Variants in HECW1 observed in about 807,000 individuals in gnomAD.
HECW1 encodes HECT, C2 and WW domain containing E3 ubiquitin protein ligase 1, also known as E3 ubiquitin-protein ligase HECW1.
HECW1 carries 61 observed loss-of-function variants against 182.3 expected under a neutral mutation model. The ratio of observed to expected loss-of-function variants is 0.33; its 90% CI spans 0.27 to 0.41. The LOEUF (loss-of-function observed/expected upper bound fraction) is 0.41, where lower values mean the gene tolerates loss of function less well. Ranked by LOEUF, HECW1 falls within the 10% of genes least tolerant of loss-of-function variation. The pLI, the probability that HECW1 is intolerant of heterozygous loss-of-function variation, is 1.00. For missense variants in HECW1, 1,739 were observed against 2,108.9 expected (o/e 0.82, Z 3.44); for synonymous variants, 859 against 832.6 (o/e 1.03, Z -0.55).
At chr7:43,312,195 T>C (rs1370002399) in intron 4 of HECW1, 108 bp downstream of exon 4, 3 of 1,029,322 alleles carry the variant, frequency 2.9e-6, no homozygotes, top group African/African-American at 3.2e-5. Flanking sequence ...CTGTGTTATA[T>C]GCCAGATTCT....
intron 20 of HECW1, 31 bp from the exon 21 acceptor site, chr7:43,501,182 T>TC (rs1396903370): frequency 8.3e-7 from 1 of 1,207,448 alleles, no homozygotes; most frequent in Non-Finnish European, 1.2e-6. Context: ...TTCTTTTCTT[T>TC]CTTTTTTTTT....
At chr7:43,361,189 C>T (rs968277876) in intron 6 of HECW1, among the ~76,000 whole-genome samples, 9 of 151,980 alleles carry the variant, frequency 5.9e-5, no homozygotes, top group Non-Finnish European at 7.4e-5. Flanking sequence ...CCATAGTCGA[C>T]CTTATTAAAG....
In HECW1 at chr7:43,200,190, C is replaced by T. The variant is rs143597444; in HGVS notation, c.-31-43685C>T. On this transcript the variant is annotated intron_variant, in intron 2 of 29. Coordinates refer to ENST00000395891, the MANE Select transcript of HECW1 (RefSeq NM_015052.5). ...AGAGTCATTGTCTCAGTTTCTGGAA[C>T]ATCTACCAAAAAAAGGCTTTCCTGA... 1.9e-3 allele frequency among the ~76,000 whole-genome samples: 294 copies of T among 152,244 alleles called. 3 individuals are homozygous for T. Among genetic ancestry groups the T allele is most frequent in the African/African-American group, 6.7e-3 (280 of 41,538 alleles).
At chr7:43,363,088 T>G (rs967105503) in intron 6 of HECW1, among the ~76,000 whole-genome samples, 1 of 152,256 alleles carries the variant, frequency 6.6e-6, no homozygotes, top group African/African-American at 2.4e-5. Flanking sequence ...ACTCCAGATG[T>G]TCACCTGCTG....
chr7:43,142,189 A>G (rs1788226309), intron 2 of HECW1, among the ~76,000 whole-genome samples: 1 of 152,112 alleles, frequency 6.6e-6, no homozygotes, highest in African/African-American at 2.4e-5. Context: ...CTGCATCCTC[A>G]TCATTTGGGG....
At chr7:43,165,531 G>A (rs147133498) in intron 2 of HECW1, among the ~76,000 whole-genome samples, 8 of 152,260 alleles carry the variant, frequency 5.3e-5, no homozygotes, top group African/African-American at 1.7e-4. Context: ...ACTCTGTGGA[G>A]TTTAGATAGA....
At chr7:43,240,317 G>A (rs959599901) in intron 2 of HECW1, among the ~76,000 whole-genome samples, 12 of 152,250 alleles carry the variant, frequency 7.9e-5, no homozygotes, top group East Asian at 5.8e-4. Context: ...CAGCCTAGGC[G>A]ACAGAGCAAG....
At chr7:43,186,078 A>T (rs1793369337) in intron 2 of HECW1, among the ~76,000 whole-genome samples, 1 of 152,174 alleles carries the variant, frequency 6.6e-6, no homozygotes, top group South Asian at 2.1e-4. Flanking sequence ...CACTTGCTCA[A>T]AGATCAAGAG....
chr7:43,177,171 A>G (rs938943553), intron 2 of HECW1, among the ~76,000 whole-genome samples: 27 of 152,164 alleles, frequency 1.8e-4, no homozygotes, highest in Non-Finnish European at 1.9e-4. Context: ...AGAAAACAGA[A>G]GCTTGGACCC....
intron 5 of HECW1, among the ~76,000 whole-genome samples, chr7:43,338,451 C>T (rs746720639): frequency 2.4e-4 from 37 of 152,062 alleles, no homozygotes; most frequent in Non-Finnish European, 4.1e-4. Flanking sequence ...ACTTTCTGCT[C>T]TTTATTCTTT....
At chr7:43,337,382 T>C (rs1812433336) in intron 5 of HECW1, among the ~76,000 whole-genome samples, 1 of 152,218 alleles carries the variant, frequency 6.6e-6, no homozygotes, top group African/African-American at 2.4e-5. Flanking sequence ...TGTGGTTGTT[T>C]TTTTCTTGTT....
intron 5 of HECW1, among the ~76,000 whole-genome samples, chr7:43,359,735 A>G (rs1332690963): frequency 6.6e-6 from 1 of 152,254 alleles, no homozygotes; most frequent in African/African-American, 2.4e-5. Flanking sequence ...AATTGTAGAC[A>G]TTATTTTTAA....
chr7:43,469,469 C>T (rs1395868279), intron 16 of HECW1, among the ~76,000 whole-genome samples: 2 of 152,156 alleles, frequency 1.3e-5, no homozygotes, highest in Non-Finnish European at 2.9e-5. Flanking sequence ...TTGTTTGCCT[C>T]CTTAGACAGC....
rs1283605482 is a variant in HECW1 at position 43,114,232 on chromosome 7, T to G, written c.-191T>G. The G allele has an allele frequency of 7.3e-6, 10 of 1,362,254 alleles. No homozygotes were observed. In the Admixed American group the frequency reaches 2.0e-4, roughly 27 times the overall value. The allele number at this position is 1,362,254 out of a possible 1,614,324, so 84.4% of individuals were successfully genotyped here. ...CAAAAATTGAGGGAGGCATCTTCTC[T>G]CTTTTCCTGGGATTTAAACGCGATT... On this transcript the variant is annotated 5_prime_UTR_variant, in exon 2 of 30. Coordinates refer to ENST00000395891, the MANE Select transcript of HECW1 (RefSeq NM_015052.5).
intron 2 of HECW1, among the ~76,000 whole-genome samples, chr7:43,124,739 A>G (rs1441647080): frequency 6.6e-6 from 1 of 152,200 alleles, no homozygotes; most frequent in Non-Finnish European, 1.5e-5. Flanking sequence ...CCTTATCTTC[A>G]AGCCAATTAT....
chr7:43,550,410 T>G, intron 26 of HECW1, 35 bp from the exon 27 acceptor site: 1 of 1,612,772 alleles, frequency 6.2e-7, no homozygotes, highest in Non-Finnish European at 8.5e-7. Context: ...TAAGCAGAAC[T>G]GACAAGCATC....
chr7:43,237,190 T>C (rs1257664791), intron 2 of HECW1, among the ~76,000 whole-genome samples: 1 of 146,182 alleles, frequency 6.8e-6, no homozygotes, highest in Non-Finnish European at 1.5e-5. Context: ...GGTAGGTAGG[T>C]AAAGTGTGAC....
Position 43,322,591 on chromosome 7 carries a change from T to A in HECW1, c.460+1849T>A, listed in dbSNP as rs1810266920. Among the ~76,000 whole-genome samples, 4 of 152,290 alleles carry A rather than the reference T, an allele frequency of 2.6e-5. No homozygotes were observed. The South Asian group carries it at 8.3e-4, about 32-fold the overall frequency. On this transcript the variant is annotated intron_variant, in intron 5 of 29. Transcript: ENST00000395891. ...CCTCCCCAGCAGACACCCTTCACCC[T>A]GGTCATGTTGACCTCTCCCATTACC...
At chr7:43,208,071 C>G (rs1319264383) in intron 2 of HECW1, among the ~76,000 whole-genome samples, 1 of 152,136 alleles carries the variant, frequency 6.6e-6, no homozygotes, top group Non-Finnish European at 1.5e-5. Context: ...CGCTCCTCTC[C>G]CATTTTCTTT....
Sources: allele counts gnomAD v4.1 joint callset (sites outside exome capture counted in the v4.1 genomes callset), GRCh38; gene constraint gnomAD v4.1.1; transcripts MANE v1.5; gene names NCBI Gene and HGNC (gene_info 2026-07-23, HGNC 2026-07-21).